EDIL3: variants seen among roughly 807,000 people sequenced by gnomAD.
EDIL3 encodes EGF-like repeat and discoidin I-like domain-containing protein 3.
Under a neutral mutation model 67.4 loss-of-function variants are expected in EDIL3, and 37 were observed. The ratio of observed to expected loss-of-function variants is 0.55; its 90% CI spans 0.42 to 0.72. EDIL3 has a LOEUF of 0.72. Among genes scored for constraint, EDIL3 ranks in the 30% least tolerant of loss-of-function variants. EDIL3 has a pLI of 0.00. For missense variants in EDIL3, 527 were observed against 586.3 expected (o/e 0.90, Z 1.04); for synonymous variants, 195 against 196.3 (o/e 0.99, Z 0.05).
intron 6 of EDIL3, among the ~76,000 whole-genome samples, chr5:84,088,843 T>C (rs1747116426): frequency 6.6e-6 from 1 of 152,120 alleles, no homozygotes; most frequent in South Asian, 2.1e-4. Context: ...AATATATCAG[T>C]TTTGGGAAAA....
chr5:84,340,949 C>T (rs753943340), intron 1 of EDIL3, among the ~76,000 whole-genome samples: 7 of 152,068 alleles, frequency 4.6e-5, no homozygotes, highest in South Asian at 2.1e-4. Flanking sequence ...CTGCCACCAC[C>T]GCATCATCCC....
At chr5:84,323,635 T>C (rs1457081532) in intron 1 of EDIL3, among the ~76,000 whole-genome samples, 1 of 151,858 alleles carries the variant, frequency 6.6e-6, no homozygotes, top group African/African-American at 2.4e-5. Flanking sequence ...AAGAATGGGT[T>C]TTAACAAAAT....
intron 9 of EDIL3, among the ~76,000 whole-genome samples, chr5:84,011,025 C>T (rs1011332034): frequency 2.6e-5 from 4 of 152,182 alleles, no homozygotes; most frequent in African/African-American, 9.6e-5. Flanking sequence ...CATGTCACAT[C>T]TCAGCGTGTA....
At chr5:84,371,914 T>C (rs1052123563) in intron 1 of EDIL3, among the ~76,000 whole-genome samples, 7 of 152,130 alleles carry the variant, frequency 4.6e-5, no homozygotes, top group African/African-American at 9.6e-5. Flanking sequence ...AGAACCCCAA[T>C]TCAAACTTTC....
At chr5:84,269,662 GATCTACT>G (rs1379777149) in intron 1 of EDIL3, among the ~76,000 whole-genome samples, 1 of 152,142 alleles carries the variant, frequency 6.6e-6, no homozygotes, top group Non-Finnish European at 1.5e-5. Flanking sequence ...AATAAAGTCA[GATCTACT>G]TTATTGCATA....
intron 4 of EDIL3, among the ~76,000 whole-genome samples, chr5:84,146,792 G>A (rs975442940): frequency 6.6e-6 from 1 of 151,822 alleles, no homozygotes; most frequent in Non-Finnish European, 1.5e-5. Flanking sequence ...CCTTTTTAGA[G>A]GGCATTGATA....
intron 6 of EDIL3, among the ~76,000 whole-genome samples, chr5:84,074,900 G>A (rs922386341): frequency 1.3e-5 from 2 of 152,110 alleles, no homozygotes; most frequent in Non-Finnish European, 2.9e-5. Flanking sequence ...ACATGCACAC[G>A]TATGTTTATT....
At chr5:84,213,344 T>C (rs1156387101) in intron 3 of EDIL3, among the ~76,000 whole-genome samples, 1 of 152,194 alleles carries the variant, frequency 6.6e-6, no homozygotes, top group Non-Finnish European at 1.5e-5. Flanking sequence ...TTGTTTTTCT[T>C]GGTAGCTGAG....
intron 6 of EDIL3, among the ~76,000 whole-genome samples, chr5:84,105,196 G>A (rs1747436654): frequency 6.6e-6 from 1 of 152,068 alleles, no homozygotes; most frequent in African/African-American, 2.4e-5. Flanking sequence ...TGATAAAACT[G>A]TATAGATGTG....
At chr5:84,249,377 TTCTATCTATCTATCTATCTATCTATCTA>T (rs72278901) in intron 2 of EDIL3, among the ~76,000 whole-genome samples, 1 of 144,174 alleles carries the variant, frequency 6.9e-6, no homozygotes, top group Non-Finnish European at 1.5e-5. Context: ...CAACATATCT[TTCTATCTATCTATCTATCTATCTATCTA>T]TCTATCTATC....
At chr5:84,314,576 TG>T (rs1746472440) in intron 1 of EDIL3, among the ~76,000 whole-genome samples, 1 of 152,200 alleles carries the variant, frequency 6.6e-6, no homozygotes, top group Non-Finnish European at 1.5e-5. Flanking sequence ...CTAAAATTAT[TG>T]GGCCAATTTA....
At chr5:84,108,605 C>T (rs184709215) in intron 5 of EDIL3, among the ~76,000 whole-genome samples, 130 of 152,080 alleles carry the variant, frequency 8.5e-4, no homozygotes, top group Non-Finnish European at 1.7e-3. Flanking sequence ...TTCTTTGGAC[C>T]CTTATTTTGC....
intron 1 of EDIL3, among the ~76,000 whole-genome samples, chr5:84,368,286 T>C (rs892801538): frequency 5.3e-5 from 8 of 152,092 alleles, no homozygotes; most frequent in African/African-American, 1.9e-4. Flanking sequence ...ACAAATGGAA[T>C]AGAATAGAAA....
At chr5:84,353,965 C>T (rs961783349) in intron 1 of EDIL3, among the ~76,000 whole-genome samples, 8 of 152,108 alleles carry the variant, frequency 5.3e-5, no homozygotes, top group African/African-American at 1.9e-4. Context: ...TTTATTAGTC[C>T]TCTCTTCACT....
chr5:84,044,911 A>G (rs556664836), intron 9 of EDIL3, among the ~76,000 whole-genome samples: 175 of 152,276 alleles, frequency 1.1e-3, no homozygotes, highest in African/African-American at 3.9e-3. Flanking sequence ...TGGAGTGTAA[A>G]GCCAAAGAGT....
chr5:84,282,819 T>A (rs1465230469), intron 1 of EDIL3, among the ~76,000 whole-genome samples: 1 of 152,188 alleles, frequency 6.6e-6, no homozygotes, highest in Non-Finnish European at 1.5e-5. Flanking sequence ...CTCTGATTTC[T>A]GTTCAGCTTT....
chr5:84,274,794 GAC>G (rs35380260), intron 1 of EDIL3, among the ~76,000 whole-genome samples: 1 of 150,444 alleles, frequency 6.6e-6, no homozygotes, highest in Non-Finnish European at 1.5e-5. Flanking sequence ...GACACACACA[GAC>G]ACACACACAC....
At chr5:84,035,428 T>A (rs1323101528) in intron 9 of EDIL3, among the ~76,000 whole-genome samples, 2 of 152,162 alleles carry the variant, frequency 1.3e-5, no homozygotes, top group Admixed American at 6.5e-5. Flanking sequence ...GTTACAGTTT[T>A]AAAAATAATG....
At chr5:84,097,039 C>T (rs1747277443) in intron 6 of EDIL3, among the ~76,000 whole-genome samples, 1 of 152,130 alleles carries the variant, frequency 6.6e-6, no homozygotes, top group South Asian at 2.1e-4. Context: ...AACTGTAAGT[C>T]CATTAAACCT....
Sources: gnomAD v4.1 joint callset for allele counts (sites outside exome capture counted in the v4.1 genomes callset) on GRCh38, gnomAD v4.1.1 for gene constraint, MANE v1.5 for transcripts, NCBI Gene and HGNC (gene_info 2026-07-23, HGNC 2026-07-21) for gene names.